DGKI: variants seen among roughly 807,000 people sequenced by gnomAD.
DGKI encodes diacylglycerol kinase iota.
DGKI carries 55 observed loss-of-function variants against 147.5 expected under a neutral mutation model. That is an observed-to-expected ratio of 0.37 (90% CI 0.30 to 0.47). The LOEUF (loss-of-function observed/expected upper bound fraction) is 0.47. DGKI is among the 20% of genes least tolerant of loss of function. The pLI, the probability that DGKI is intolerant of heterozygous loss-of-function variation, is 1.00. For synonymous variants in DGKI, 469 were observed against 477.1 expected (o/e 0.98, Z 0.22); for missense variants, 1,007 against 1,323.8 (o/e 0.76, Z 3.71).
At chr7:137,839,573 G>C (rs1798488238) in intron 1 of DGKI, among the ~76,000 whole-genome samples, 1 of 152,218 alleles carries the variant, frequency 6.6e-6, no homozygotes, top group African/African-American at 2.4e-5. Flanking sequence ...GGGAAATTAA[G>C]ACACAGAGAG....
intron 28 of DGKI, among the ~76,000 whole-genome samples, chr7:137,416,870 A>C (rs1420596366): frequency 6.6e-6 from 1 of 152,186 alleles, no homozygotes; most frequent in African/African-American, 2.4e-5. Flanking sequence ...AGTAGTTTCC[A>C]ATTGTACTGG....
At chr7:137,758,994 T>C (rs1795771984) in intron 1 of DGKI, among the ~76,000 whole-genome samples, 1 of 152,210 alleles carries the variant, frequency 6.6e-6, no homozygotes, top group Non-Finnish European at 1.5e-5. Flanking sequence ...AGGGGATACA[T>C]GCGCATGCTT....
chr7:137,668,278 G>A (rs1026236758), intron 3 of DGKI, among the ~76,000 whole-genome samples: 1 of 152,328 alleles, frequency 6.6e-6, no homozygotes, highest in African/African-American at 2.4e-5. Context: ...AGCAGTCTCT[G>A]TTCTCCACGA....
chr7:137,843,540 T>C, intron 1 of DGKI: 312 of 293,944 alleles, frequency 1.1e-3, no homozygotes, highest in Non-Finnish European at 1.4e-3. Context: ...TGAGGGGAAA[T>C]CTAGGAGTAC....
chr7:137,710,267 C>T (rs1405946994), intron 1 of DGKI, among the ~76,000 whole-genome samples: 1 of 152,080 alleles, frequency 6.6e-6, no homozygotes, highest in South Asian at 2.1e-4. Context: ...TTTGAGGGAA[C>T]TTGACAAGCT....
At chr7:137,678,372 C>T (rs769032345) in intron 3 of DGKI, among the ~76,000 whole-genome samples, 185 bp downstream of exon 3, 29 of 152,192 alleles carry the variant, frequency 1.9e-4, no homozygotes, top group Non-Finnish European at 3.8e-4. Flanking sequence ...AAAACCATTA[C>T]GAGCGACAAC....
intron 1 of DGKI, among the ~76,000 whole-genome samples, chr7:137,802,104 G>A (rs1380301404): frequency 6.6e-6 from 1 of 152,178 alleles, no homozygotes; most frequent in East Asian, 1.9e-4. Context: ...AACCCGGATG[G>A]AGCTGGAGGC....
chr7:137,613,899 CT>C (rs1467794284), intron 8 of DGKI, among the ~76,000 whole-genome samples: 1 of 152,072 alleles, frequency 6.6e-6, no homozygotes, highest in Non-Finnish European at 1.5e-5. Context: ...CGAAGTGGTT[CT>C]GTATTTCTTC....
At position 137,381,844 on chromosome 7, in the gene DGKI, A is replaced by G. The variant is rs996733125; in HGVS notation, c.*9376T>C. On this transcript the variant is annotated 3_prime_UTR_variant, in exon 33 of 33. Coordinates refer to ENST00000614521, the MANE Select transcript of DGKI (RefSeq NM_001321708.2). Reference sequence around the variant, plus strand: ...AATATTTTGTCTATGAGAGTTCTAAATCTCCTTCCCCAGGATGGCAAGAAT... The same window carrying G: ...AATATTTTGTCTATGAGAGTTCTAAGTCTCCTTCCCCAGGATGGCAAGAAT... 18 of 152,216 alleles carry G rather than the reference A, an allele frequency of 1.2e-4. No homozygotes were observed. The highest frequency in any genetic ancestry group is 8.5e-4 in the Admixed American group (13 of 15,270). The allele number at this position is 152,216 out of a possible 1,614,324, so 9.4% of individuals were successfully genotyped here. A position where few individuals can be genotyped will look rare whatever the true frequency, so the allele number is the denominator to read the frequency against.
chr7:137,383,824 T>C lies in DGKI; in HGVS notation c.*7396A>G, dbSNP rs1334919494. ...ACAGTCCTACTTAACCTAACTCCTC[T>C]ACATATTCTTATTCCTAATCCAATT... On this transcript the variant is annotated 3_prime_UTR_variant, in exon 33 of 33. Transcript: ENST00000614521. 6.6e-6 allele frequency: 1 copy of C among 152,084 alleles called. No homozygotes were observed. The highest frequency in any genetic ancestry group is 1.5e-5 in the Non-Finnish European group (1 of 67,968). The allele number at this position is 152,084 out of a possible 1,614,324, so 9.4% of individuals were successfully genotyped here. A position where few individuals can be genotyped will look rare whatever the true frequency, so the allele number is the denominator to read the frequency against.
chr7:137,602,091 T>G (rs576591664), intron 10 of DGKI, among the ~76,000 whole-genome samples: 1 of 152,208 alleles, frequency 6.6e-6, no homozygotes. Flanking sequence ...TTATGTTTAA[T>G]AGGTAACACA....
chr7:137,609,571 T>C lies in DGKI; in HGVS notation c.1032A>G (p.Thr344=), dbSNP rs146168542. 2.0e-5 allele frequency: 33 copies of C among 1,613,522 alleles called. No individual in the cohort carries two copies. The African/African-American group carries it at 4.0e-4, about 20-fold the overall frequency. ...TTTTACTGGCTTTTCTTTTAAAGCT[T>C]GTTCTCTTCTTCTTCCGATTTGAAG... ...LKASNRKKKR[T]SFKRKASKRG... is the part of the protein sequence containing the mutation. Residue 344 remains threonine (T), a synonymous_variant, in exon 9 of 33, where the codon ACA becomes ACG. Transcript: ENST00000614521.
At chr7:137,448,094 A>G (rs562684650) in intron 27 of DGKI, among the ~76,000 whole-genome samples, 1 of 152,306 alleles carries the variant, frequency 6.6e-6, no homozygotes, top group Admixed American at 6.5e-5. Flanking sequence ...TTAGTCAGCT[A>G]AAGAGATATA....
chr7:137,629,866 A>G (rs1821069203), intron 6 of DGKI, among the ~76,000 whole-genome samples: 1 of 152,152 alleles, frequency 6.6e-6, no homozygotes, highest in African/African-American at 2.4e-5. Context: ...CCTTTTCCAT[A>G]GTTTTCTCAC....
At chr7:137,563,101 TATAAG>T (rs1818471368) in intron 19 of DGKI, among the ~76,000 whole-genome samples, 1 of 152,058 alleles carries the variant, frequency 6.6e-6, no homozygotes, top group Non-Finnish European at 1.5e-5. Flanking sequence ...GCAAGATCAG[TATAAG>T]ATTTTTAAAA....
At chr7:137,801,230 C>G (rs1797194154) in intron 1 of DGKI, among the ~76,000 whole-genome samples, 1 of 152,114 alleles carries the variant, frequency 6.6e-6, no homozygotes, top group African/African-American at 2.4e-5. Context: ...AAGGAAGTAC[C>G]AGCTGATGCT....
intron 26 of DGKI, 140 bp from the exon 27 acceptor site, chr7:137,463,751 A>G (rs544495156): frequency 1.1e-5 from 10 of 882,230 alleles, no homozygotes; most frequent in South Asian, 1.1e-4. Context: ...GATACTACCC[A>G]TTTATTATTT....
At chr7:137,694,730 C>A (rs1438521242) in intron 1 of DGKI, among the ~76,000 whole-genome samples, 1 of 152,120 alleles carries the variant, frequency 6.6e-6, no homozygotes. Context: ...TTTCTTATAC[C>A]ATATGGGCAC....
At chr7:137,824,592 T>C (rs1361283620) in intron 1 of DGKI, among the ~76,000 whole-genome samples, 1 of 152,076 alleles carries the variant, frequency 6.6e-6, no homozygotes, top group Non-Finnish European at 1.5e-5. Flanking sequence ...TTTTTCACTT[T>C]TAAGTTCAGG....
Sources: gnomAD v4.1 joint callset for allele counts (sites outside exome capture counted in the v4.1 genomes callset) on GRCh38, gnomAD v4.1.1 for gene constraint, MANE v1.5 for transcripts, NCBI Gene and HGNC (gene_info 2026-07-23, HGNC 2026-07-21) for gene names.